ARHGEF12: variants seen among roughly 807,000 people sequenced by gnomAD.
ARHGEF12 encodes KMT2A/ARHGEF12 fusion protein.
In ARHGEF12, 66 loss-of-function variants were observed where a neutral mutation model predicts 211.2. The ratio of observed to expected loss-of-function variants is 0.31; its 90% CI spans 0.26 to 0.38. The LOEUF (loss-of-function observed/expected upper bound fraction) is 0.38, where lower values mean the gene tolerates loss of function less well. Among genes scored for constraint, ARHGEF12 ranks in the 10% least tolerant of loss-of-function variants. The pLI is 1.00. For missense variants in ARHGEF12, 1,429 were observed against 1,869.5 expected (o/e 0.76, Z 4.34); for synonymous variants, 592 against 638.4 (o/e 0.93, Z 1.09).
At chr11:120,457,295 T>G in intron 23 of ARHGEF12, 45 bp downstream of exon 23, 1 of 1,604,218 alleles carries the variant, frequency 6.2e-7, no homozygotes. Context: ...TTACTTAAAG[T>G]TTTTAAATTA....
chr11:120,472,556 A>T (rs1250711360), intron 30 of ARHGEF12, among the ~76,000 whole-genome samples: 1 of 152,204 alleles, frequency 6.6e-6, no homozygotes, highest in Non-Finnish European at 1.5e-5. Context: ...AGAAAAGCCA[A>T]AGAGGCAGGA....
intron 3 of ARHGEF12, chr11:120,408,639 A>C (rs964053999): frequency 6.6e-6 from 1 of 152,090 alleles, no homozygotes; most frequent in African/African-American, 2.4e-5. Context: ...TTTACTTAGA[A>C]ATATAATTTT....
chr11:120,397,886 TG>T, intron 1 of ARHGEF12, among the ~76,000 whole-genome samples: 1 of 152,340 alleles, frequency 6.6e-6, no homozygotes, highest in East Asian at 1.9e-4. Context: ...TTTTAAACAT[TG>T]TATACAGAAA....
At chr11:120,337,600 G>GCC in intron 1 of ARHGEF12, 1 of 985,392 alleles carries the variant, frequency 1.0e-6, no homozygotes, top group Non-Finnish European at 1.2e-6. Context: ...TTAGGTGAAG[G>GCC]TCGGTGCCTG....
rs1318194016 is a variant in ARHGEF12 at position 120,486,641 on chromosome 11, A to G, written c.*1564A>G. On this transcript the variant is annotated 3_prime_UTR_variant, in exon 41 of 41. Coordinates refer to ENST00000397843, the MANE Select transcript of ARHGEF12 (RefSeq NM_015313.3). ...AACAAGGAGTTCATCCGTTGCTCAC[A>G]TCTTTCATTGGTGCCCTCTGAACTC... is the stretch of plus-strand genomic sequence containing the variant. 8.9e-6 allele frequency: 2 copies of G among 224,062 alleles called. No homozygotes were observed. The highest frequency in any genetic ancestry group is 1.8e-5 in the Non-Finnish European group (2 of 112,306). 13.9% of individuals were successfully genotyped at this position (224,062 alleles called of 1,614,324 possible).
At chr11:120,393,277 A>G (rs896441636) in intron 1 of ARHGEF12, among the ~76,000 whole-genome samples, 2 of 151,584 alleles carry the variant, frequency 1.3e-5, no homozygotes, top group Admixed American at 6.6e-5. Context: ...AAGATGAAAA[A>G]GAGAAAAGGG....
At chr11:120,349,690 G>A (rs1421151425) in intron 1 of ARHGEF12, among the ~76,000 whole-genome samples, 7 of 152,206 alleles carry the variant, frequency 4.6e-5, no homozygotes, top group Non-Finnish European at 8.8e-5. Flanking sequence ...AAATGAGAGT[G>A]TGTGTGAGTA....
At chr11:120,457,994 A>G (rs1946417164) in intron 24 of ARHGEF12, 86 bp from the exon 25 acceptor site, 1 of 1,452,586 alleles carries the variant, frequency 6.9e-7, no homozygotes, top group Admixed American at 2.4e-5. Context: ...GAATCTGATT[A>G]GAATTTATTG....
intron 39 of ARHGEF12, among the ~76,000 whole-genome samples, chr11:120,483,115 A>G (rs1565519819): frequency 6.6e-6 from 1 of 152,154 alleles, no homozygotes; most frequent in East Asian, 1.9e-4. Context: ...TAGATAGAAT[A>G]TATCTTTATT....
chr11:120,411,669 A>G (rs1193385094), intron 4 of ARHGEF12: 2 of 132,736 alleles, frequency 1.5e-5, no homozygotes, highest in Admixed American at 1.8e-4. Flanking sequence ...GACTCACTGC[A>G]GCCTCAACCT....
At chr11:120,404,404 A>G (rs1944631355) in intron 1 of ARHGEF12, among the ~76,000 whole-genome samples, 1 of 152,222 alleles carries the variant, frequency 6.6e-6, no homozygotes, top group South Asian at 2.1e-4. Flanking sequence ...GCTTTAGCAG[A>G]TACTTTAAAG....
rs1202838173 is a variant in ARHGEF12 at position 120,440,194 on chromosome 11, T to C, written c.1065T>C (p.Asp355=). Residue 355 remains aspartate (D), a synonymous_variant, in exon 13 of 41, where the codon GAT becomes GAC. Coordinates refer to ENST00000397843, the MANE Select transcript of ARHGEF12 (RefSeq NM_015313.3). ...CACCTCATATTATTGGAGCAGAAGA[T>C]GATGATTTTGGTACTGAACATGAAC... The part of the protein sequence containing the change: ...RIAPHIIGAE[D]DDFGTEHEQI... 6.2e-7 allele frequency: 1 copy of C among 1,613,830 alleles called. No individual in the cohort carries two copies. Among genetic ancestry groups the C allele is most frequent in the African/African-American group, 1.3e-5 (1 of 75,040 alleles).
intron 27 of ARHGEF12, chr11:120,464,834 C>A: frequency 6.3e-6 from 1 of 159,272 alleles, no homozygotes; most frequent in South Asian, 1.8e-4. Flanking sequence ...ATGGTGAAAC[C>A]CCATCTCTAC....
rs963351517 is a variant in ARHGEF12, at chr11:120,488,726, A to G, written c.*3649A>G. ...AAGCCTCTTCCTACTAGAACATTTT[A>G]TTTTCCTTGTTCACCATACAATCAT... On this transcript the variant is annotated 3_prime_UTR_variant, in exon 41 of 41. Coordinates refer to ENST00000397843, the MANE Select transcript of ARHGEF12 (RefSeq NM_015313.3). 2 of 217,722 alleles carry G rather than the reference A, an allele frequency of 9.2e-6. No individual in the cohort carries two copies. The highest frequency in any genetic ancestry group is 1.4e-4 in the East Asian group (2 of 14,664). 13.5% of individuals were successfully genotyped at this position (217,722 alleles called of 1,614,324 possible). A position where few individuals can be genotyped will look rare whatever the true frequency, so the allele number is the denominator to read the frequency against.
Position 120,489,374 on chromosome 11 carries a change from T to C in ARHGEF12, c.*4297T>C. 1 of 224,652 alleles carries C rather than the reference T, an allele frequency of 4.5e-6. No individual in the cohort carries two copies. Among genetic ancestry groups the C allele is most frequent in the East Asian group, 6.5e-5 (1 of 15,422 alleles). 13.9% of individuals were successfully genotyped at this position (224,652 alleles called of 1,614,324 possible). Reference sequence around the variant, plus strand: ...ATATATATATAACAAAATTTGCTATTGTAACTATTTTTAAGTATAAAGTTC... The same window carrying C: ...ATATATATATAACAAAATTTGCTATCGTAACTATTTTTAAGTATAAAGTTC... On this transcript the variant is annotated 3_prime_UTR_variant, in exon 41 of 41. Coordinates refer to ENST00000397843, the MANE Select transcript of ARHGEF12 (RefSeq NM_015313.3).
intron 15 of ARHGEF12, among the ~76,000 whole-genome samples, chr11:120,445,169 AAGCATTCAGTCATCTAGC>A (rs1946006546): frequency 1.3e-5 from 2 of 152,214 alleles, no homozygotes; most frequent in South Asian, 4.1e-4. Flanking sequence ...TGTGTCACAG[AAGCATTCAGTCATCTAGC>A]TAAACGACTG....
rs1323483759 is a variant in ARHGEF12, at chr11:120,465,664, C to T, written c.2739+302C>T. Among the ~76,000 whole-genome samples the T allele has an allele frequency of 3.3e-5, 5 of 152,136 alleles. No homozygotes were observed. The East Asian group carries it at 9.7e-4, about 29-fold the overall frequency. On this transcript the variant is annotated intron_variant, in intron 28 of 40. Transcript: ENST00000397843. ...TCTATTTTTAGTAGAGACGGGGTTTCACCATGTTGGCCAGGCTGGGCTCGA... is the reference window on the plus strand; with the variant it reads ...TCTATTTTTAGTAGAGACGGGGTTTTACCATGTTGGCCAGGCTGGGCTCGA...
intron 1 of ARHGEF12, among the ~76,000 whole-genome samples, chr11:120,379,068 C>T (rs988217737): frequency 1.3e-5 from 2 of 152,078 alleles, no homozygotes; most frequent in African/African-American, 4.8e-5. Flanking sequence ...AATTAGGTCT[C>T]CCAATCCATT....
intron 21 of ARHGEF12, chr11:120,451,070 C>T (rs935572962): frequency 6.4e-6 from 1 of 156,168 alleles, no homozygotes; most frequent in Non-Finnish European, 1.4e-5. Flanking sequence ...GCATAACAAT[C>T]CACTATATAT....
Sources: allele counts gnomAD v4.1 joint callset (sites outside exome capture counted in the v4.1 genomes callset), GRCh38; gene constraint gnomAD v4.1.1; transcripts MANE v1.5; gene names NCBI Gene and HGNC (gene_info 2026-07-23, HGNC 2026-07-21).